ALCAM: variants seen among roughly 807,000 people sequenced by gnomAD.
ALCAM encodes the protein CD166 antigen.
In ALCAM, 30 loss-of-function variants were observed where a neutral mutation model predicts 70.9. The ratio of observed to expected loss-of-function variants is 0.42; its 90% CI spans 0.32 to 0.57. The LOEUF (loss-of-function observed/expected upper bound fraction) is 0.57, where lower values mean the gene tolerates loss of function less well. Among genes scored for constraint, ALCAM ranks in the 20% least tolerant of loss-of-function variants. The probability of loss-of-function intolerance (pLI) is 0.11; values close to 1 mark genes in which losing one functional copy is unlikely to be tolerated. For missense variants in ALCAM, 591 were observed against 695.1 expected, an observed-to-expected ratio of 0.85 and a Z score of 1.68; for synonymous variants, 249 against 242.5, an observed-to-expected ratio of 1.03 and a Z score of -0.25.
chr3:105,385,941 T>G (rs1191359226), intron 1 of ALCAM, among the ~76,000 whole-genome samples: 1 of 151,614 alleles, frequency 6.6e-6, no homozygotes, highest in Admixed American at 6.6e-5. Flanking sequence ...CTTGTCTATA[T>G]AGGTTCAGTT....
chr3:105,409,794 G>A (rs757026717), intron 1 of ALCAM, among the ~76,000 whole-genome samples: 1 of 151,920 alleles, frequency 6.6e-6, no homozygotes, highest in Non-Finnish European at 1.5e-5. Context: ...GCTAAACAAC[G>A]AGTTTGGGCC....
At chr3:105,533,576 T>G in intron 4 of ALCAM, 27 bp from the exon 5 acceptor site, 1 of 1,583,460 alleles carries the variant, frequency 6.3e-7, no homozygotes, top group Non-Finnish European at 8.7e-7. Context: ...TGAACCAAGG[T>G]AATAACATTG....
intron 11 of ALCAM, among the ~76,000 whole-genome samples, chr3:105,548,720 A>G (rs1238716854): frequency 6.6e-6 from 1 of 151,482 alleles, no homozygotes; most frequent in Non-Finnish European, 1.5e-5. Context: ...AGCATATAAG[A>G]GGAGGCAAAG....
chr3:105,454,653 A>ATTTTTTTTTTTTTTTTTTTTTT (rs59389132), intron 1 of ALCAM, among the ~76,000 whole-genome samples: 7 of 61,790 alleles, frequency 1.1e-4, no homozygotes, highest in South Asian at 8.4e-4. Context: ...ATGCTCATTA[A>ATTTTTTTTTTTTTTTTTTTTTT]TTTTTTTTTT....
rs1212774584 is a variant in ALCAM at position 105,575,209 on chromosome 3, A to G, written c.*758A>G. ...CTTACCTCTACAGACACCTGCTAAT[A>G]AATTATTTTCTGTCAAAAGAAAAAA... On this transcript the variant is annotated 3_prime_UTR_variant, in exon 16 of 16. Transcript: ENST00000306107. 1 of 152,648 alleles carries G rather than the reference A, an allele frequency of 6.6e-6. No individual in the cohort carries two copies. Among genetic ancestry groups the G allele is most frequent in the Non-Finnish European group, 1.5e-5 (1 of 68,032 alleles). The allele number at this position is 152,648 out of a possible 1,614,324, so 9.5% of individuals were successfully genotyped here.
At chr3:105,491,329 C>T (rs1286621090) in intron 1 of ALCAM, among the ~76,000 whole-genome samples, 1 of 152,194 alleles carries the variant, frequency 6.6e-6, no homozygotes, top group Admixed American at 6.5e-5. Context: ...GCGAAGGTCT[C>T]TGACATGCCA....
intron 1 of ALCAM, among the ~76,000 whole-genome samples, chr3:105,374,937 G>A (rs1434279604): frequency 6.6e-6 from 1 of 152,164 alleles, no homozygotes; most frequent in Non-Finnish European, 1.5e-5. Context: ...TTATGAGTTT[G>A]GTTAGTGAGA....
intron 1 of ALCAM, among the ~76,000 whole-genome samples, chr3:105,430,146 G>T (rs1011225013): frequency 6.6e-6 from 1 of 151,878 alleles, no homozygotes; most frequent in Non-Finnish European, 1.5e-5. Context: ...TAGAAAAGTT[G>T]TAAAACTAGT....
chr3:105,463,080 A>G (rs530031245), intron 1 of ALCAM, among the ~76,000 whole-genome samples: 5 of 151,604 alleles, frequency 3.3e-5, no homozygotes, highest in African/African-American at 1.2e-4. Flanking sequence ...AATACAATAC[A>G]TTTTAACCTT....
chr3:105,383,016 A>G (rs1935566355), intron 1 of ALCAM, among the ~76,000 whole-genome samples: 1 of 151,800 alleles, frequency 6.6e-6, no homozygotes, highest in African/African-American at 2.4e-5. Context: ...TAAATGTGCC[A>G]TGCCCTTCCT....
chr3:105,559,619 G>A (rs1940591563), intron 14 of ALCAM, among the ~76,000 whole-genome samples: 1 of 151,754 alleles, frequency 6.6e-6, no homozygotes, highest in African/African-American at 2.4e-5. Flanking sequence ...TATTTCAGGG[G>A]GACACAAACA....
At chr3:105,541,852 A>G in intron 8 of ALCAM, 87 bp downstream of exon 8, 4 of 1,475,286 alleles carry the variant, frequency 2.7e-6, no homozygotes, top group East Asian at 2.3e-5. Context: ...AACTGCACGT[A>G]TATCTTTCTT....
At position 105,563,727 on chromosome 3, in the gene ALCAM, CCGGACTG is replaced by C. The variant is rs1228085016; in HGVS notation, c.1665-8116_1665-8110del. 1.6e-3 allele frequency among the ~76,000 whole-genome samples: 182 copies of C among 116,376 alleles called. 1 individual carries two copies. Among genetic ancestry groups the C allele is most frequent in the African/African-American group, 5.7e-3 (169 of 29,756 alleles). 76.3% of individuals were successfully genotyped at this position (116,376 alleles called of 152,430 possible). A position where few individuals can be genotyped will look rare whatever the true frequency, so the allele number is the denominator to read the frequency against. On this transcript the variant is annotated intron_variant, in intron 14 of 15. Coordinates refer to ENST00000306107, the MANE Select transcript of ALCAM (RefSeq NM_001627.4). ...ACGGAGTCTCGCTCTGTCGCCCAGG[CCGGACTG>C]CGGACTGCAGTGGCGCAATCTCGGC...
intron 14 of ALCAM, among the ~76,000 whole-genome samples, chr3:105,567,313 G>A (rs1940763679): frequency 6.6e-6 from 1 of 151,940 alleles, no homozygotes; most frequent in African/African-American, 2.4e-5. Context: ...TTTTCTCATT[G>A]TTTCTTTAAA....
At chr3:105,559,166 G>A (rs1940578751) in intron 14 of ALCAM, among the ~76,000 whole-genome samples, 1 of 147,124 alleles carries the variant, frequency 6.8e-6, no homozygotes, top group South Asian at 2.1e-4. Context: ...TAAAATAAAT[G>A]TATATATATT....
intron 14 of ALCAM, among the ~76,000 whole-genome samples, chr3:105,556,562 A>G (rs1940521514): frequency 6.6e-6 from 1 of 152,036 alleles, no homozygotes; most frequent in African/African-American, 2.4e-5. Context: ...AAGAAAACAG[A>G]GACAATCCTA....
At chr3:105,454,552 G>GTCC (rs1294550854) in intron 1 of ALCAM, among the ~76,000 whole-genome samples, 3 of 149,656 alleles carry the variant, frequency 2.0e-5, no homozygotes, top group African/African-American at 7.4e-5. Context: ...GTGTGTTCCA[G>GTCC]TCCTATCTAA....
At chr3:105,482,286 A>AT (rs1938295835) in intron 1 of ALCAM, among the ~76,000 whole-genome samples, 1 of 151,890 alleles carries the variant, frequency 6.6e-6, no homozygotes, top group South Asian at 2.1e-4. Flanking sequence ...TAATTTTGAT[A>AT]TTTTTTGTAG....
chr3:105,445,708 G>T (rs1215757560), intron 1 of ALCAM, among the ~76,000 whole-genome samples: 2 of 152,046 alleles, frequency 1.3e-5, no homozygotes, highest in African/African-American at 2.4e-5. Flanking sequence ...TTCAACAAAG[G>T]TGCCAAGTAT....
Sources: allele counts gnomAD v4.1 joint callset (sites outside exome capture counted in the v4.1 genomes callset), GRCh38; gene constraint gnomAD v4.1.1; transcripts MANE v1.5; gene names NCBI Gene and HGNC (gene_info 2026-07-23, HGNC 2026-07-21).